CYP2W1: variants seen among roughly 807,000 people sequenced by gnomAD.
CYP2W1 encodes cytochrome P450 2W1.
Under a neutral mutation model 44.9 loss-of-function variants are expected in CYP2W1, and 51 were observed. The observed-to-expected ratio is 1.14, with a 90% CI of 0.91 to 1.43. The LOEUF (loss-of-function observed/expected upper bound fraction) is 1.43. Among genes scored for constraint, CYP2W1 ranks in the 40% most tolerant of loss-of-function variants. The probability of loss-of-function intolerance (pLI) is 0.00; values close to 1 mark genes in which losing one functional copy is unlikely to be tolerated. For missense variants in CYP2W1, 746 were observed against 700.0 expected (o/e 1.07, Z -0.74); for synonymous variants, 383 against 338.3 (o/e 1.13, Z -1.45).
chr7:983,420 G>A (rs1317298456), intron 1 of CYP2W1, 35 bp downstream of exon 1: 9 of 1,436,752 alleles, frequency 6.3e-6, no homozygotes, highest in South Asian at 2.8e-5. Flanking sequence ...CTTGCCGCTT[G>A]GACAGCTGCC....
Position 984,489 on chromosome 7 carries a change from G to T in CYP2W1, c.252G>T (p.Ala84=). 1 of 1,552,500 alleles carries T rather than the reference G, an allele frequency of 6.4e-7. No homozygotes were observed. The highest frequency in any genetic ancestry group is 8.7e-7 in the Non-Finnish European group (1 of 1,148,740). Residue 84 remains alanine, a synonymous_variant, in exon 2 of 9, where the codon GCG becomes GCT. Transcript: ENST00000308919. ...CGGTGGTGCTGACGGGGTTCGAGGC[G>T]GTCAAAGAGGCGCTGGCGGGCCCCG... is the stretch of plus-strand genomic sequence containing the variant. The part of the protein sequence containing the change: ...QKTVVLTGFE[A]VKEALAGPGQ...
chr7:987,389 G>A lies in CYP2W1; in HGVS notation c.1001G>A (p.Arg334Gln), dbSNP rs755050270. Reference sequence around the variant, plus strand: ...CTAGACCGCGTGCTGGGCCCTGGGCGGACTCCCCGGCTGGAGGACCAGCAG... The same window carrying A: ...CTAGACCGCGTGCTGGGCCCTGGGCAGACTCCCCGGCTGGAGGACCAGCAG... ...EELDRVLGPG[R>Q]TPRLEDQQAL... The change falls in exon 7 of 9, where the codon CGG becomes CAG. Residue 334 changes from arginine (R) to glutamine (Q), a missense_variant. Coordinates refer to ENST00000308919, the MANE Select transcript of CYP2W1 (RefSeq NM_017781.3). 14 of 1,594,726 alleles carry A rather than the reference G, an allele frequency of 8.8e-6. No individual in the cohort carries two copies. The highest frequency in any genetic ancestry group is 6.7e-5 in the East Asian group (3 of 44,708).
intron 1 of CYP2W1, among the ~76,000 whole-genome samples, chr7:983,606 T>TGCCC (rs1848090355): frequency 2.0e-5 from 3 of 152,116 alleles, no homozygotes; most frequent in South Asian, 2.1e-4. Context: ...GCCCTGGAGG[T>TGCCC]GCCACCCAGG....
Position 987,090 on chromosome 7 carries a change from G to GC in CYP2W1, c.820-13dup. Reference sequence around the variant, plus strand: ...GACCCCAGATCATCCCACGAGCCCTGCCCCACGCCTCTGCAGGGGGATGAC... The same window carrying GC: ...GACCCCAGATCATCCCACGAGCCCTGCCCCCACGCCTCTGCAGGGGGATGAC... On this transcript the variant is annotated splice_polypyrimidine_tract_variant and intron_variant, in intron 5 of 8. Coordinates refer to ENST00000308919, the MANE Select transcript of CYP2W1 (RefSeq NM_017781.3). The GC allele has an allele frequency of 6.6e-7, 1 of 1,510,408 alleles. No homozygotes were observed. Among genetic ancestry groups the GC allele is most frequent in the Non-Finnish European group, 8.9e-7 (1 of 1,127,882 alleles). 93.6% of individuals were successfully genotyped at this position (1,510,408 alleles called of 1,614,324 possible).
At chr7:986,553 C>T (rs1372417531) in intron 4 of CYP2W1, 71 bp from the exon 5 acceptor site, 24 of 1,553,388 alleles carry the variant, frequency 1.5e-5, no homozygotes, top group East Asian at 4.5e-5. Context: ...CCGCTGGGGA[C>T]GATCACCGCC....
At chr7:983,922 A>C (rs1427331197) in intron 1 of CYP2W1, among the ~76,000 whole-genome samples, 1 of 152,208 alleles carries the variant, frequency 6.6e-6, no homozygotes, top group African/African-American at 2.4e-5. Context: ...TCGCTCAGGC[A>C]GGCAGGGTCA....
chr7:987,329 GC>G lies in CYP2W1; in HGVS notation c.959-15del. The G allele has an allele frequency of 6.4e-7, 1 of 1,560,606 alleles. No individual in the cohort carries two copies. The highest frequency in any genetic ancestry group is 1.2e-5 in the South Asian group (1 of 86,952). On this transcript the variant is annotated splice_polypyrimidine_tract_variant and intron_variant, in intron 6 of 8. Coordinates refer to ENST00000308919, the MANE Select transcript of CYP2W1 (RefSeq NM_017781.3). ...GAGGGATGGCGCTGCCACCCAAGCG[GC>G]CCACCCTTTGCCCCAGGCCGGGTGC... is the stretch of plus-strand genomic sequence containing the variant.
rs564406715 is a variant in CYP2W1 at position 989,107 on chromosome 7, G to C, written c.*285G>C. Reference sequence around the variant, plus strand: ...CGCCCACTCTCCCACCCCTGAAGCTGCACTCCCACCCACCTAGCTCCCCCC... The same window carrying C: ...CGCCCACTCTCCCACCCCTGAAGCTCCACTCCCACCCACCTAGCTCCCCCC... On this transcript the variant is annotated 3_prime_UTR_variant, in exon 9 of 9. Transcript: ENST00000308919. 19 of 425,254 alleles carry C rather than the reference G, an allele frequency of 4.5e-5. No homozygotes were observed. The South Asian group carries it at 1.3e-3, about 30-fold the overall frequency. 26.3% of individuals were successfully genotyped at this position (425,254 alleles called of 1,614,324 possible). A position where few individuals can be genotyped will look rare whatever the true frequency, so the allele number is the denominator to read the frequency against.
In CYP2W1 at chr7:984,928, C is replaced by T. The variant is rs536614988; in HGVS notation, c.338-22C>T. The T allele has an allele frequency of 3.2e-6, 5 of 1,573,688 alleles. No individual in the cohort carries two copies. In the Admixed American group the frequency reaches 5.2e-5, roughly 16 times the overall value. On this transcript the variant is annotated intron_variant, in intron 2 of 8. Transcript: ENST00000308919. The stretch of plus-strand genomic sequence containing the variant: ...GGCTGGGGTGGGAACCTGGGCTCAC[C>T]ACGCACTGTATCTGCCTACAGGCAT...
In CYP2W1 at chr7:986,705, ATT is replaced by A; in HGVS notation, c.728_729del (p.Ile243ThrfsTer33). On this transcript the variant is annotated frameshift_variant, in exon 5 of 9. Transcript: ENST00000308919. LOFTEE classifies it high-confidence loss of function. ...GCGCAAGATCGAGGAGGTCCGTGCC[ATT>A]CTGAGGACCCTCCTGGAGGCGCGGA... ...VLRKIEEVRA[I>X]LRTLLEARRP... 1 of 1,612,310 alleles carries A rather than the reference ATT, an allele frequency of 6.2e-7. No homozygotes were observed. Among genetic ancestry groups the A allele is most frequent in the Non-Finnish European group, 8.5e-7 (1 of 1,179,728 alleles).
Position 988,635 on chromosome 7 carries a change from G to A in CYP2W1, c.1286G>A (p.Gly429Asp). 2 of 1,602,786 alleles carry A rather than the reference G, an allele frequency of 1.2e-6. No individual in the cohort carries two copies. Among genetic ancestry groups the A allele is most frequent in the Non-Finnish European group, 1.7e-6 (2 of 1,179,232 alleles). ...CTCTGTGCCTGGACATCCCCCGCAGGCCGCCGCGTCTGTGTTGGGGAGCGC... is the reference window on the plus strand; with the variant it reads ...CTCTGTGCCTGGACATCCCCCGCAGACCGCCGCGTCTGTGTTGGGGAGCGC... Reference protein sequence around the residue: ...KREAFLPFSAGRRVCVGERLA... With the variant: ...KREAFLPFSADRRVCVGERLA... Residue 429 changes from glycine to aspartate, a missense_variant and splice_region_variant, in exon 9 of 9, where the codon GGC becomes GAC. Physicochemically the swap from Gly to Asp is moderately conservative, Grantham distance 94. Transcript: ENST00000308919.
chr7:988,347 T>A lies in CYP2W1; in HGVS notation c.1214T>A (p.Phe405Tyr). ...ACACAGTGGCAGACCCCAGGCCAGT[T>A]CAACCCCGGCCATTTCCTGGACGCG... ...DETQWQTPGQFNPGHFLDANG... is the reference protein window; with the variant it reads ...DETQWQTPGQYNPGHFLDANG... The change falls in exon 8 of 9, where the codon TTC (phenylalanine) becomes TAC (tyrosine). Residue 405 changes from phenylalanine (F) to tyrosine (Y), a missense_variant. Transcript: ENST00000308919. The A allele has an allele frequency of 1.2e-6, 2 of 1,612,622 alleles. No homozygotes were observed. The highest frequency in any genetic ancestry group is 1.7e-6 in the Non-Finnish European group (2 of 1,179,790).
chr7:986,427 G>A (rs898671725), intron 4 of CYP2W1, 197 bp from the exon 5 acceptor site: 5 of 631,222 alleles, frequency 7.9e-6, no homozygotes, highest in Admixed American at 3.1e-5. Flanking sequence ...GTCCCCTTCC[G>A]GGACACGGAC....
intron 5 of CYP2W1, 24 bp from the exon 6 acceptor site, chr7:987,083 G>C (rs766805858): frequency 6.7e-7 from 1 of 1,494,014 alleles, no homozygotes; most frequent in South Asian, 1.3e-5. Flanking sequence ...ATCATCCCAC[G>C]AGCCCTGCCC....
chr7:984,927 C>A (rs1418764087), intron 2 of CYP2W1, 23 bp from the exon 3 acceptor site: 1 of 1,572,772 alleles, frequency 6.4e-7, no homozygotes. Context: ...CCTGGGCTCA[C>A]CACGCACTGT....
rs760484267 is a variant in CYP2W1, at chr7:985,038, G to T, written c.426G>T (p.Pro142=). 3 of 1,612,264 alleles carry T rather than the reference G, an allele frequency of 1.9e-6. No homozygotes were observed. In the African/African-American group the frequency reaches 4.0e-5, roughly 22 times the overall value. The change falls in exon 3 of 9, where the codon CCG becomes CCT. Residue 142 remains proline, a synonymous_variant. Transcript: ENST00000308919. ...ALHSLGVGRE[P]VADKILQELK... is the part of the protein sequence containing the mutation. The stretch of plus-strand genomic sequence containing the variant: ...ACAGCCTGGGCGTGGGCCGGGAGCC[G>T]GTGGCTGACAAGATTCTGCAGGAGC...
In CYP2W1 at chr7:987,089, T is replaced by C; in HGVS notation, c.820-18T>C. 1 of 1,506,488 alleles carries C rather than the reference T, an allele frequency of 6.6e-7. No individual in the cohort carries two copies. The highest frequency in any genetic ancestry group is 8.9e-7 in the Non-Finnish European group (1 of 1,126,074). The allele number at this position is 1,506,488 out of a possible 1,614,324, so 93.3% of individuals were successfully genotyped here. Reference sequence around the variant, plus strand: ...AGACCCCAGATCATCCCACGAGCCCTGCCCCACGCCTCTGCAGGGGGATGA... The same window carrying C: ...AGACCCCAGATCATCCCACGAGCCCCGCCCCACGCCTCTGCAGGGGGATGA... On this transcript the variant is annotated intron_variant, in intron 5 of 8. Transcript: ENST00000308919.
chr7:985,375 C>T lies in CYP2W1; in HGVS notation c.645+52C>T, dbSNP rs1490260215. On this transcript the variant is annotated intron_variant, in intron 4 of 8. Transcript: ENST00000308919. ...GTGGGGTGGAGCCTGGAGTGATGGG[C>T]GTGCAGCAGGAGGACGGGGGCCCCA... The T allele has an allele frequency of 9.8e-6, 15 of 1,526,650 alleles. No individual in the cohort carries two copies. The Admixed American group carries it at 1.0e-4, about 10-fold the overall frequency. 94.6% of individuals were successfully genotyped at this position (1,526,650 alleles called of 1,614,324 possible). A position where few individuals can be genotyped will look rare whatever the true frequency, so the allele number is the denominator to read the frequency against.
intron 7 of CYP2W1, among the ~76,000 whole-genome samples, chr7:987,846 TG>T (rs140291122): frequency 0.025 from 3,751 of 147,838 alleles, 162 homozygotes; most frequent in African/African-American, 0.089. Context: ...CTCTGTATCC[TG>T]GGGGGGTCCC....
Sources: gnomAD v4.1 joint callset for allele counts (sites outside exome capture counted in the v4.1 genomes callset) on GRCh38, gnomAD v4.1.1 for gene constraint, MANE v1.5 for transcripts, NCBI Gene and HGNC (gene_info 2026-07-23, HGNC 2026-07-21) for gene names.